Variants in TRPM8 observed in about 807,000 individuals in gnomAD.
TRPM8 encodes the protein transient receptor potential cation channel subfamily M member 8, also known as TRPM8 cationic channel.
TRPM8 carries 110 observed loss-of-function variants against 133.7 expected under a neutral mutation model. That is an observed-to-expected ratio of 0.82 (90% confidence interval 0.70 to 0.96). TRPM8 has a LOEUF of 0.96. Among genes scored for constraint, TRPM8 ranks in the 40% least tolerant of loss-of-function variants. The pLI is 0.00. For missense variants in TRPM8, 1,291 were observed against 1,379.5 expected, an observed-to-expected ratio of 0.94 and a Z score of 1.02; for synonymous variants, 535 against 532.3, an observed-to-expected ratio of 1.01 and a Z score of -0.07.
intron 1 of TRPM8, among the ~76,000 whole-genome samples, chr2:233,918,617 C>G (rs959605653): frequency 6.6e-6 from 1 of 152,174 alleles, no homozygotes; most frequent in Non-Finnish European, 1.5e-5. Context: ...GGAGCCTCCA[C>G]TGGCTTTTGC....
At chr2:233,949,121 C>A (rs1038265170) in intron 8 of TRPM8, among the ~76,000 whole-genome samples, 1 of 152,206 alleles carries the variant, frequency 6.6e-6, no homozygotes, top group East Asian at 1.9e-4. Context: ...GACACACCCA[C>A]GACCACCTGT....
At chr2:233,996,940 A>C (rs554328113) in intron 22 of TRPM8, among the ~76,000 whole-genome samples, 10 of 152,314 alleles carry the variant, frequency 6.6e-5, no homozygotes, top group Admixed American at 6.5e-5. Flanking sequence ...AACAATTGTC[A>C]TATTTGAGAA....
At chr2:233,939,205 T>C in intron 5 of TRPM8, 30 bp downstream of exon 5, 4 of 1,609,686 alleles carry the variant, frequency 2.5e-6, no homozygotes, top group Non-Finnish European at 3.4e-6. Flanking sequence ...CCGCGGGTTC[T>C]TCCATTCGGG....
At chr2:234,008,919 C>T (rs1223277767) in intron 24 of TRPM8, among the ~76,000 whole-genome samples, 5 of 152,180 alleles carry the variant, frequency 3.3e-5, no homozygotes, top group Non-Finnish European at 5.9e-5. Context: ...TTACCCTCAA[C>T]ATTTAAAAAA....
chr2:233,980,917 A>G (rs1471982762), intron 18 of TRPM8, among the ~76,000 whole-genome samples: 1 of 152,128 alleles, frequency 6.6e-6, no homozygotes, highest in Non-Finnish European at 1.5e-5. Flanking sequence ...AGCTTTTAAG[A>G]TAAAGCTAGC....
rs146538655 is a variant in TRPM8, at chr2:233,989,162, A to G, written c.2939+3297A>G. Among the ~76,000 whole-genome samples, 1 of 152,352 alleles carries G rather than the reference A, an allele frequency of 6.6e-6. No individual in the cohort carries two copies. Among genetic ancestry groups the G allele is most frequent in the East Asian group, 1.9e-4 (1 of 5,186 alleles). ...CATGAGCTGTCTGAAGGAGCCATTC[A>G]TGAGAACCGGGCACTTTTGTAATCC... On this transcript the variant is annotated intron_variant, in intron 21 of 25. Coordinates refer to ENST00000324695, the MANE Select transcript of TRPM8 (RefSeq NM_024080.5). This position sits in a 1 kb window ranked among gnomAD's most constrained non-coding sequence, Gnocchi z 4.2.
chr2:233,935,946 T>A (rs1216484994), intron 3 of TRPM8, among the ~76,000 whole-genome samples: 1 of 152,188 alleles, frequency 6.6e-6, no homozygotes, highest in Admixed American at 6.5e-5. Context: ...TTTTTAGATT[T>A]TTTTTAACTG....
In TRPM8 at chr2:233,991,017, G is replaced by T. The variant is rs546234741; in HGVS notation, c.2939+5152G>T. Among the ~76,000 whole-genome samples, 4 of 152,240 alleles carry T rather than the reference G, an allele frequency of 2.6e-5. No individual in the cohort carries two copies. The South Asian group carries it at 8.3e-4, about 32-fold the overall frequency. On this transcript the variant is annotated intron_variant, in intron 21 of 25. Coordinates refer to ENST00000324695, the MANE Select transcript of TRPM8 (RefSeq NM_024080.5). ...TGTTGGCTGGGGGAGCCTAGGATCTGCAGCAGCAGCTAGGTGGAGGTGATG... is the reference window on the plus strand; with the variant it reads ...TGTTGGCTGGGGGAGCCTAGGATCTTCAGCAGCAGCTAGGTGGAGGTGATG...
intron 22 of TRPM8, 142 bp from the exon 23 acceptor site, chr2:234,006,711 A>T (rs1692702156): frequency 1.7e-6 from 1 of 580,648 alleles, no homozygotes; most frequent in Non-Finnish European, 3.1e-6. Flanking sequence ...GTCACTAGGA[A>T]GTAACATCAG....
At chr2:233,996,639 A>G in intron 22 of TRPM8, 123 bp downstream of exon 22, 4 of 912,600 alleles carry the variant, frequency 4.4e-6, no homozygotes, top group Non-Finnish European at 6.7e-6. Context: ...ACATCTGTAC[A>G]TCTGTAAAGA....
chr2:234,015,871 A>C (rs1396369319), intron 25 of TRPM8, among the ~76,000 whole-genome samples: 1 of 152,250 alleles, frequency 6.6e-6, no homozygotes, highest in South Asian at 2.1e-4. Flanking sequence ...TTTGAAACAC[A>C]TGCCATCTTG....
Position 233,964,680 on chromosome 2 carries a change from T to G in TRPM8, c.1802T>G (p.Leu601Arg), listed in dbSNP as rs199618852. ...ALGASKLLKT[L>R]AKVKNDINAA... is the part of the protein sequence containing the mutation. ...GGAGCCAGCAAGCTTCTGAAGACTC[T>G]GGCCAAAGTGAAGAACGACATCAAT... The change falls in exon 14 of 26, where the codon CTG becomes CGG. Residue 601 changes from leucine to arginine, a missense_variant. Physicochemically the swap from Leu to Arg is moderately radical, Grantham distance 102 (BLOSUM62 -2). Coordinates refer to ENST00000324695, the MANE Select transcript of TRPM8 (RefSeq NM_024080.5). 1 of 1,611,728 alleles carries G rather than the reference T, an allele frequency of 6.2e-7. No individual in the cohort carries two copies. The highest frequency in any genetic ancestry group is 8.5e-7 in the Non-Finnish European group (1 of 1,178,580).
rs1174628676 is a variant in TRPM8 at position 233,927,708 on chromosome 2, CTCTTTCTTTCTTTCTTTCTTTCTTTCTT to C, written c.117+1112_117+1139del. Among the ~76,000 whole-genome samples, 178 of 81,428 alleles carry C rather than the reference CTCTTTCTTTCTTTCTTTCTTTCTTTCTT, an allele frequency of 2.2e-3. 4 individuals carry two copies. Among genetic ancestry groups the C allele is most frequent in the Non-Finnish European group, 4.2e-3 (125 of 29,586 alleles). 53.4% of individuals were successfully genotyped at this position (81,428 alleles called of 152,430 possible). The stretch of plus-strand genomic sequence containing the variant: ...CAGAGCCCTGGAAGACAGAGTCTGT[CTCTTTCTTTCTTTCTTTCTTTCTTTCTT>C]TCTTTCTTTCTTTCTTTCTTTCTTT... On this transcript the variant is annotated intron_variant, in intron 2 of 25. Transcript: ENST00000324695.
In TRPM8 at chr2:234,019,522, A is replaced by T. The variant is rs199873183; in HGVS notation, c.*2266A>T. ...TGAAATAAATAATGGAGGAATTGTC[A>T]TGTGTTGCTTTTGTCATTTTATTGA... is the stretch of plus-strand genomic sequence containing the variant. On this transcript the variant is annotated 3_prime_UTR_variant, in exon 26 of 26. Coordinates refer to ENST00000324695, the MANE Select transcript of TRPM8 (RefSeq NM_024080.5). 1 of 152,172 alleles carries T rather than the reference A, an allele frequency of 6.6e-6. No homozygotes were observed. Among genetic ancestry groups the T allele is most frequent in the East Asian group, 1.9e-4 (1 of 5,196 alleles). 9.4% of individuals were successfully genotyped at this position (152,172 alleles called of 1,614,324 possible).
At chr2:233,953,374 G>T (rs1691216247) in intron 9 of TRPM8, among the ~76,000 whole-genome samples, 1 of 152,214 alleles carries the variant, frequency 6.6e-6, no homozygotes, top group Non-Finnish European at 1.5e-5. Flanking sequence ...GGGCTCGCCA[G>T]TGCTTGTAAC....
At chr2:233,919,898 T>G (rs1455176750) in intron 1 of TRPM8, among the ~76,000 whole-genome samples, 2 of 152,180 alleles carry the variant, frequency 1.3e-5, no homozygotes, top group African/African-American at 4.8e-5. Context: ...TCCAATCAGT[T>G]ACCTGCATGT....
chr2:233,951,412 A>G (rs1691170083), intron 9 of TRPM8, among the ~76,000 whole-genome samples: 1 of 152,182 alleles, frequency 6.6e-6, no homozygotes, highest in South Asian at 2.1e-4. Flanking sequence ...GAAGAAACGG[A>G]TGACTCTTAA....
At chr2:233,977,079 G>A (rs1378629735) in intron 17 of TRPM8, among the ~76,000 whole-genome samples, 2 of 152,056 alleles carry the variant, frequency 1.3e-5, no homozygotes, top group South Asian at 2.1e-4. Context: ...ATGCTCTTCC[G>A]TGTGTACCTG....
At chr2:233,929,762 G>A (rs1240144575) in intron 2 of TRPM8, 1 of 152,222 alleles carries the variant, frequency 6.6e-6, no homozygotes, top group Non-Finnish European at 1.5e-5. Flanking sequence ...TAACTTTACT[G>A]GCAATAGTGG....
Sources: gnomAD v4.1 joint callset for allele counts (sites outside exome capture counted in the v4.1 genomes callset) on GRCh38, gnomAD v4.1.1 for gene constraint, Gnocchi (gnomAD v3.1) non-coding constraint, MANE v1.5 for transcripts, NCBI Gene and HGNC (gene_info 2026-07-23, HGNC 2026-07-21) for gene names.